Variants in OFD1 observed in about 807,000 individuals in gnomAD.
OFD1 encodes OFD1 centriole and centriolar satellite protein.
Under a neutral mutation model 81.4 loss-of-function variants are expected in OFD1, and 12 were observed. The ratio of observed to expected loss-of-function variants is 0.15; its 90% confidence interval spans 0.09 to 0.24. The LOEUF (loss-of-function observed/expected upper bound fraction) is 0.24. Among genes scored for constraint, OFD1 ranks in the 10% least tolerant of loss-of-function variants. The pLI is 1.00. For missense variants in OFD1, 685 were observed against 733.9 expected, an observed-to-expected ratio of 0.93 and a Z score of 0.77; for synonymous variants, 256 against 263.7, an observed-to-expected ratio of 0.97 and a Z score of 0.28.
chrX:13,722,750 A>G, the OFD1 span, among the ~76,000 whole-genome samples: 79 of 112,086 alleles, frequency 7.0e-4, no homozygotes, highest in Admixed American at 1.1e-3. Context: ...CCAATATGTG[A>G]GCTAGTGTGC....
Position 13,734,940 on chromosome X carries a change from G to C in OFD1, c.-132G>C, listed in dbSNP as rs764478757. 1 of 1,116,837 alleles carries C rather than the reference G, an allele frequency of 9.0e-7. No individual in the cohort carries two copies. Among genetic ancestry groups the C allele is most frequent in the East Asian group, 3.3e-5 (1 of 30,397 alleles). 92.0% of individuals were successfully genotyped at this position (1,116,837 alleles called of 1,213,427 possible). On this transcript the variant is annotated 5_prime_UTR_variant, in exon 1 of 23. Transcript: ENST00000340096. ...AACGTTCAGCACCTTTGTTCCTCCC[G>C]AACCCTCGGGACAGAGGCAGGGTTC...
intron 17 of OFD1, among the ~76,000 whole-genome samples, chrX:13,761,504 G>T (rs978923086): frequency 2.7e-5 from 3 of 112,006 alleles, no homozygotes; most frequent in African/African-American, 9.7e-5. Context: ...TCTGTGAATA[G>T]ATTTGGTTTA....
chrX:13,760,821 A>G, intron 16 of OFD1, 101 bp downstream of exon 16: 2 of 1,054,832 alleles, frequency 1.9e-6, no homozygotes, highest in East Asian at 3.1e-5. Flanking sequence ...CAGAGTGGCA[A>G]GGTCTAGTGT....
the OFD1 span, among the ~76,000 whole-genome samples, chrX:13,719,631 T>C: frequency 6.5e-3 from 733 of 111,928 alleles, 9 homozygotes; most frequent in African/African-American, 0.023. Context: ...CAATTCATGG[T>C]GGGTGACATA....
upstream of OFD1, among the ~76,000 whole-genome samples, chrX:13,732,249 G>T (rs915758385): frequency 3.6e-5 from 4 of 111,824 alleles, no homozygotes; most frequent in African/African-American, 1.3e-4. Flanking sequence ...ACAGGGGAAG[G>T]GAGGGCAGGA....
rs764608728 is a variant in OFD1, at chrX:13,744,497, G to A, written c.495G>A (p.Ser165=). ...GTAATATGGAAACTCAGACAAGTTC[G>A]ACATTTAACAGAGATTCTCTGGGTA... is the stretch of plus-strand genomic sequence containing the variant. The part of the protein sequence containing the change: ...ESCNMETQTS[S]TFNRDSLAEK... The change falls in exon 6 of 23, where the codon TCG becomes TCA. Residue 165 remains serine, a synonymous_variant. Coordinates refer to ENST00000340096, the MANE Select transcript of OFD1 (RefSeq NM_003611.3). The A allele has an allele frequency of 1.1e-5, 13 of 1,145,580 alleles. No homozygotes were observed. Among genetic ancestry groups the A allele is most frequent in the Non-Finnish European group, 1.4e-5 (12 of 835,743 alleles). 94.4% of individuals were successfully genotyped at this position (1,145,580 alleles called of 1,213,427 possible). A position where few individuals can be genotyped will look rare whatever the true frequency, so the allele number is the denominator to read the frequency against.
In OFD1 at chrX:13,761,904, C is replaced by CTTT. The variant is rs747167069; in HGVS notation, c.2388-419_2388-417dup. On this transcript the variant is annotated intron_variant, in intron 17 of 22. Coordinates refer to ENST00000340096, the MANE Select transcript of OFD1 (RefSeq NM_003611.3). Reference sequence around the variant, plus strand: ...ACATGGGCCTGTCGTAGTCCTAAAGCTTTTTTTTTTTTTTTTTTTTTTTGT... The same window carrying CTTT: ...ACATGGGCCTGTCGTAGTCCTAAAGCTTTTTTTTTTTTTTTTTTTTTTTTTTGT... 8.8e-3 allele frequency among the ~76,000 whole-genome samples: 602 copies of CTTT among 68,790 alleles called. 11 individuals carry two copies. The highest frequency in any genetic ancestry group is 0.025 in the African/African-American group (423 of 16,819). The allele number at this position is 68,790 out of a possible 115,157, so 59.7% of individuals were successfully genotyped here. A position where few individuals can be genotyped will look rare whatever the true frequency, so the allele number is the denominator to read the frequency against.
intron 5 of OFD1, 164 bp downstream of exon 5, chrX:13,739,196 T>C: frequency 2.1e-6 from 1 of 470,456 alleles, no homozygotes; most frequent in Non-Finnish European, 3.6e-6. Flanking sequence ...GTAATAACTT[T>C]TAGATATTCA....
chrX:13,727,365 C>G, the OFD1 span, among the ~76,000 whole-genome samples: 1 of 112,250 alleles, frequency 8.9e-6, no homozygotes, highest in South Asian at 3.7e-4. Context: ...AGCACTCCAG[C>G]AAATGTAAAA....
rs376888196 is a variant in OFD1 at position 13,760,469 on chromosome X, C to T, written c.2009C>T (p.Pro670Leu). The part of the protein sequence containing the change: ...SAKSPLAAKS[P>L]PSLHLLEAFK... ...AAAAGCCCACTAGCAGCAAAGAGCC[C>T]ACCATCTCTGCACTTGCTGGAAGCC... Residue 670 changes from proline to leucine, a missense_variant, in exon 16 of 23, where the codon CCA becomes CTA. By Grantham distance (98) the Pro-to-Leu change is moderately conservative. This residue lies in a region of OFD1 where 259 missense variants were observed against 254.4 expected (regional missense o/e 1.02). Transcript: ENST00000340096. 4 of 1,172,955 alleles carry T rather than the reference C, an allele frequency of 3.4e-6. No individual in the cohort carries two copies. The African/African-American group carries it at 7.2e-5, about 21-fold the overall frequency.
At chrX:13,743,162 A>T (rs1027259605) in intron 5 of OFD1, among the ~76,000 whole-genome samples, 2 of 112,524 alleles carry the variant, frequency 1.8e-5, no homozygotes, top group Admixed American at 1.9e-4. Context: ...AACTAGAATT[A>T]ACAGTTTCAC....
chrX:13,735,667 C>T (rs751868570), intron 2 of OFD1, among the ~76,000 whole-genome samples: 73 of 111,805 alleles, frequency 6.5e-4, no homozygotes, highest in African/African-American at 2.2e-3. Context: ...CTTATAGGTT[C>T]CTAAATTAAT....
Position 13,749,441 on chromosome X carries a change from A to G in OFD1, c.843A>G (p.Glu281=), listed in dbSNP as rs776376486. The G allele has an allele frequency of 1.7e-6, 2 of 1,181,396 alleles. No homozygotes were observed. Among genetic ancestry groups the G allele is most frequent in the East Asian group, 3.0e-5 (1 of 33,664 alleles). The change falls in exon 9 of 23, where the codon GAA becomes GAG. Residue 281 remains glutamate, a synonymous_variant. Coordinates refer to ENST00000340096, the MANE Select transcript of OFD1 (RefSeq NM_003611.3). The part of the protein sequence containing the change: ...IHKHQEIETK[E]IYAQRQLLLK... ...TTTCTATACAGATTGAAACAAAAGA[A>G]ATTTATGCTCAAAGGCAACTTTTAC...
At chrX:13,767,307 C>T in intron 20 of OFD1, 23 bp downstream of exon 20, 2 of 1,203,527 alleles carry the variant, frequency 1.7e-6, no homozygotes, top group Non-Finnish European at 2.3e-6. Flanking sequence ...ACTTGATTCT[C>T]TGAACTGGTT....
the OFD1 span, chrX:13,715,913 C>G: frequency 2.1e-5 from 22 of 1,071,865 alleles, no homozygotes; most frequent in African/African-American, 4.0e-4. Flanking sequence ...AGGTAAACTG[C>G]AGCCTAAGGG....
rs749480884 is a variant in OFD1, at chrX:13,735,341, C to T, written c.106C>T (p.Leu36Phe). Residue 36 changes from leucine (L) to phenylalanine (F), a missense_variant, in exon 2 of 23, where the codon CTC becomes TTC. Leu to Phe is a conservative substitution (Grantham distance 22, BLOSUM62 0). Around this residue, in one of 3 missense-constraint regions of OFD1, gnomAD observed 414 missense variants for 447.2 expected, o/e 0.93. Coordinates refer to ENST00000340096, the MANE Select transcript of OFD1 (RefSeq NM_003611.3). ...TAAGGATCGGGGTATACTGGATACA[C>T]TCAAGGTATCGGATTTAGGCGTATC... ...TFKDRGILDT[L>F]KTQLRNQLIH... The T allele has an allele frequency of 8.4e-7, 1 of 1,196,330 alleles. No individual in the cohort carries two copies. The highest frequency in any genetic ancestry group is 1.8e-5 in the South Asian group (1 of 56,685).
upstream of OFD1, chrX:13,734,659 C>T: frequency 1.1e-6 from 1 of 910,200 alleles, no homozygotes; most frequent in Non-Finnish European, 1.4e-6. Flanking sequence ...GTAGGCGGAG[C>T]TTCCGGCCGG....
chrX:13,738,238 G>A (rs1180152673), intron 3 of OFD1, among the ~76,000 whole-genome samples: 1 of 112,213 alleles, frequency 8.9e-6, no homozygotes, highest in African/African-American at 3.2e-5. Context: ...CAATTATATA[G>A]CAGGAATTAA....
At chrX:13,761,247 A>C (rs763724273) in intron 17 of OFD1, 36 bp downstream of exon 17, 242 of 1,196,674 alleles carry the variant, frequency 2.0e-4, no homozygotes, top group Non-Finnish European at 2.7e-4. Context: ...GCTTCAGCTG[A>C]ATAATGTTAC....
Sources: allele counts gnomAD v4.1 joint callset (sites outside exome capture counted in the v4.1 genomes callset), GRCh38; gene constraint gnomAD v4.1.1; regional missense constraint gnomAD v4.1.1; transcripts MANE v1.5; gene names NCBI Gene and HGNC (gene_info 2026-07-23, HGNC 2026-07-21).